Variants in PINX1 observed in about 807,000 individuals in gnomAD.
The protein encoded by PINX1 is PIN2 (TERF1) interacting telomerase inhibitor 1, also known as PIN2/TERF1-interacting telomerase inhibitor 1.
A neutral mutation model predicts 25.4 loss-of-function variants in PINX1; 34 were observed. That is an observed-to-expected ratio of 1.34 (90% CI 1.02 to 1.78). PINX1 has a LOEUF of 1.78. PINX1 is among the 40% of genes most tolerant of loss of function. PINX1 has a pLI of 0.00. For missense variants in PINX1, 592 were observed against 404.9 expected (o/e 1.46, Z -3.97); for synonymous variants, 197 against 147.7 (o/e 1.33, Z -2.42).
intron 4 of PINX1, among the ~76,000 whole-genome samples, chr8:10,830,184 C>G (rs1798185799): frequency 6.6e-6 from 1 of 152,128 alleles, no homozygotes; most frequent in Non-Finnish European, 1.5e-5. Flanking sequence ...ATATTAGGAC[C>G]ACACACAGAA....
chr8:10,812,417 G>T (rs1401874468), intron 6 of PINX1, among the ~76,000 whole-genome samples: 1 of 152,270 alleles, frequency 6.6e-6, no homozygotes, highest in Non-Finnish European at 1.5e-5. Flanking sequence ...AGCTGGAAGG[G>T]CTTGAATGCA....
chr8:10,773,821 G>T (rs1312296048), intron 6 of PINX1, among the ~76,000 whole-genome samples: 1 of 152,162 alleles, frequency 6.6e-6, no homozygotes, highest in Non-Finnish European at 1.5e-5. Context: ...GGAAAAAGAG[G>T]AAAGAGAAAG....
At chr8:10,833,735 G>C (rs551439442) in intron 2 of PINX1, 1 of 158,878 alleles carries the variant, frequency 6.3e-6, no homozygotes, top group Non-Finnish European at 1.4e-5. Flanking sequence ...GGCTGGAGAA[G>C]AATGACGACT....
intron 3 of PINX1, 149 bp from the exon 4 acceptor site, chr8:10,831,892 T>C (rs1047428981): frequency 3.2e-6 from 2 of 617,422 alleles, no homozygotes; most frequent in Non-Finnish European, 5.8e-6. Context: ...TTTAAGTGGA[T>C]TCAAGAAATA....
intron 6 of PINX1, among the ~76,000 whole-genome samples, chr8:10,797,105 G>A (rs1299596429): frequency 1.3e-5 from 2 of 152,068 alleles, no homozygotes; most frequent in African/African-American, 2.4e-5. Context: ...ACAGTAAAGC[G>A]GGTGACGGAG....
chr8:10,820,141 G>A, intron 6 of PINX1, 52 bp downstream of exon 6: 1 of 1,168,186 alleles, frequency 8.6e-7, no homozygotes, highest in Admixed American at 1.7e-5. Flanking sequence ...ATACACAGGT[G>A]AAAATCAGAC....
At chr8:10,816,492 C>T (rs968634077) in intron 6 of PINX1, among the ~76,000 whole-genome samples, 1 of 152,234 alleles carries the variant, frequency 6.6e-6, no homozygotes, top group African/African-American at 2.4e-5. Context: ...TTTCTTAATT[C>T]AGCCTCCAGC....
At chr8:10,788,339 A>T (rs944333501) in intron 6 of PINX1, among the ~76,000 whole-genome samples, 2 of 152,210 alleles carry the variant, frequency 1.3e-5, no homozygotes, top group African/African-American at 4.8e-5. Flanking sequence ...AGGCAGGCAG[A>T]TCACATGAGG....
rs116277655 is a variant in PINX1 at position 10,813,648 on chromosome 8, T to C, written c.471+6545A>G. 4.4e-3 allele frequency among the ~76,000 whole-genome samples: 666 copies of C among 152,328 alleles called. 3 individuals carry two copies. The highest frequency in any genetic ancestry group is 0.015 in the African/African-American group (626 of 41,562). ...AGAAGAATTTCAAGGAAAATGATTATTGATTTGGTATCCTGGGAGAGTGAA... is the reference window on the plus strand; with the variant it reads ...AGAAGAATTTCAAGGAAAATGATTACTGATTTGGTATCCTGGGAGAGTGAA... On this transcript the variant is annotated intron_variant, in intron 6 of 6. Coordinates refer to ENST00000314787, the MANE Select transcript of PINX1 (RefSeq NM_017884.6).
chr8:10,779,685 C>G (rs191760289), intron 6 of PINX1, among the ~76,000 whole-genome samples: 1 of 152,012 alleles, frequency 6.6e-6, no homozygotes, highest in South Asian at 2.1e-4. Flanking sequence ...AACTTACTGT[C>G]GGGAAGTAAA....
chr8:10,796,666 T>C (rs1324680052), intron 6 of PINX1, among the ~76,000 whole-genome samples: 2 of 152,102 alleles, frequency 1.3e-5, no homozygotes, highest in South Asian at 4.2e-4. Context: ...TCTGCCCACA[T>C]TTTTTATCTG....
chr8:10,787,785 A>G, intron 6 of PINX1: 3 of 455,904 alleles, frequency 6.6e-6, no homozygotes, highest in South Asian at 4.7e-5. Flanking sequence ...GACATGGGAA[A>G]TTCTGTAAGA....
chr8:10,799,168 T>C (rs1277333004), intron 6 of PINX1, among the ~76,000 whole-genome samples: 3 of 152,208 alleles, frequency 2.0e-5, no homozygotes, highest in African/African-American at 7.2e-5. Flanking sequence ...ATTTGGAATC[T>C]ATATCTGGAC....
chr8:10,815,561 G>T (rs1040986707), intron 6 of PINX1, among the ~76,000 whole-genome samples: 3 of 151,954 alleles, frequency 2.0e-5, no homozygotes, highest in Non-Finnish European at 4.4e-5. Context: ...TTGGACCAAG[G>T]ACACCTTCGA....
chr8:10,776,195 G>A (rs1036777312), intron 6 of PINX1, among the ~76,000 whole-genome samples: 3 of 152,144 alleles, frequency 2.0e-5, no homozygotes, highest in African/African-American at 7.2e-5. Flanking sequence ...GGAGGCCGAG[G>A]CAGGTGGATC....
intron 2 of PINX1, 98 bp from the exon 3 acceptor site, chr8:10,833,082 C>G: frequency 1.5e-6 from 1 of 679,800 alleles, no homozygotes. Context: ...GGCAGGTGTT[C>G]TGAGTTGATG....
chr8:10,821,957 AG>A (rs1797892541), intron 5 of PINX1: 1 of 152,250 alleles, frequency 6.6e-6, no homozygotes, highest in African/African-American at 2.4e-5. Context: ...TGAAAGTCAA[AG>A]GGAAAACTGT....
chr8:10,787,366 A>G (rs184676018), intron 6 of PINX1, among the ~76,000 whole-genome samples: 3 of 151,984 alleles, frequency 2.0e-5, no homozygotes, highest in South Asian at 2.1e-4. Context: ...AGCTGGGACT[A>G]TAAGTGCATG....
intron 6 of PINX1, among the ~76,000 whole-genome samples, chr8:10,775,420 T>TG (rs1563203259): frequency 6.8e-6 from 1 of 146,614 alleles, no homozygotes; most frequent in Non-Finnish European, 1.5e-5. Flanking sequence ...GTTTTTTTTT[T>TG]TTTTTTTTTT....
Sources: allele counts gnomAD v4.1 joint callset (sites outside exome capture counted in the v4.1 genomes callset), GRCh38; gene constraint gnomAD v4.1.1; transcripts MANE v1.5; gene names NCBI Gene and HGNC (gene_info 2026-07-23, HGNC 2026-07-21).